The following GLIS3 variants were observed in gnomAD, a reference collection of about 807,000 sequenced individuals.
The protein encoded by GLIS3 is zinc finger protein GLIS3.
In GLIS3, 53 loss-of-function variants were observed where a neutral mutation model predicts 78.6. That is an observed-to-expected ratio of 0.67 (90% CI 0.54 to 0.85). The LOEUF (loss-of-function observed/expected upper bound fraction) is 0.85. Among genes scored for constraint, GLIS3 ranks in the 40% least tolerant of loss-of-function variants. GLIS3 has a pLI of 0.00. For missense variants in GLIS3, 1,703 were observed against 1,231.1 expected, an observed-to-expected ratio of 1.38 and a Z score of -5.74; for synonymous variants, 684 against 509.9, an observed-to-expected ratio of 1.34 and a Z score of -4.60.
At chr9:4,024,415 C>A (rs12000583) in intron 4 of GLIS3, among the ~76,000 whole-genome samples, 5,503 of 152,222 alleles carry the variant, frequency 0.036, 104 homozygotes, top group African/African-American at 0.055. Context: ...TAGGAACACA[C>A]TTATTCTTGA....
intron 2 of GLIS3, among the ~76,000 whole-genome samples, chr9:4,257,586 T>G (rs796457709): frequency 6.7e-5 from 10 of 150,356 alleles, no homozygotes; most frequent in Non-Finnish European, 1.2e-4. Context: ...GTTGTTGTTA[T>G]TTTTTGAGAC....
intron 4 of GLIS3, 105 bp from the exon 5 acceptor site, chr9:3,937,294 G>A: frequency 1.8e-6 from 2 of 1,117,456 alleles, no homozygotes; most frequent in South Asian, 1.3e-5. Context: ...TGCCGAAAAT[G>A]ATAAAATAAA....
At chr9:4,006,795 T>C (rs958868087) in intron 4 of GLIS3, among the ~76,000 whole-genome samples, 6 of 152,220 alleles carry the variant, frequency 3.9e-5, no homozygotes, top group African/African-American at 1.4e-4. Context: ...TAAGAGTTTA[T>C]TATTAGATTT....
chr9:4,168,918 T>G (rs1191505668), intron 2 of GLIS3, among the ~76,000 whole-genome samples: 8 of 152,220 alleles, frequency 5.3e-5, no homozygotes, highest in African/African-American at 1.9e-4. Context: ...ACGAGAAAAT[T>G]TCATTATGCA....
At chr9:3,829,562 C>G in intron 9 of GLIS3, 70 bp from the exon 10 acceptor site, 1 of 1,532,754 alleles carries the variant, frequency 6.5e-7, no homozygotes, top group Non-Finnish European at 9.0e-7. Flanking sequence ...TCCAACCCAG[C>G]TAGAACCTCA....
intron 2 of GLIS3, among the ~76,000 whole-genome samples, chr9:4,223,707 T>C (rs1156780638): frequency 6.6e-6 from 1 of 152,194 alleles, no homozygotes; most frequent in East Asian, 1.9e-4. Flanking sequence ...CTGGCCAATA[T>C]TTTTAAATTC....
the GLIS3 span, among the ~76,000 whole-genome samples, chr9:4,362,334 C>T: frequency 6.6e-6 from 1 of 152,076 alleles, no homozygotes; most frequent in East Asian, 1.9e-4. Context: ...ATTCTTTTTG[C>T]TGACTGGCTT....
At chr9:4,002,277 C>T (rs1821172928) in intron 4 of GLIS3, among the ~76,000 whole-genome samples, 1 of 152,158 alleles carries the variant, frequency 6.6e-6, no homozygotes, top group African/African-American at 2.4e-5. Flanking sequence ...ATTCTTCCTT[C>T]AGAGCCTCCA....
At chr9:3,876,348 C>T (rs906099266) in intron 8 of GLIS3, among the ~76,000 whole-genome samples, 13 of 151,618 alleles carry the variant, frequency 8.6e-5, no homozygotes, top group Admixed American at 2.0e-4. Context: ...CTGTGAGATC[C>T]CTATTAGATC....
intron 2 of GLIS3, among the ~76,000 whole-genome samples, chr9:4,168,865 G>A (rs766755307): frequency 1.3e-5 from 2 of 152,118 alleles, no homozygotes; most frequent in African/African-American, 2.4e-5. Context: ...CCTAATTGTC[G>A]AAACATCAAT....
At chr9:4,203,916 T>C (rs1212369386) in intron 2 of GLIS3, among the ~76,000 whole-genome samples, 1 of 152,198 alleles carries the variant, frequency 6.6e-6, no homozygotes, top group Non-Finnish European at 1.5e-5. Flanking sequence ...TGGGTACTCA[T>C]GGACATTAAG....
At chr9:4,122,085 C>T (rs1832236350) in intron 3 of GLIS3, among the ~76,000 whole-genome samples, 1 of 152,114 alleles carries the variant, frequency 6.6e-6, no homozygotes, top group Admixed American at 6.6e-5. Flanking sequence ...CAAAATAAAA[C>T]TAATAGGAAA....
At chr9:4,303,077 G>T (rs1266070798), upstream of GLIS3, among the ~76,000 whole-genome samples, 1 of 152,168 alleles carries the variant, frequency 6.6e-6, no homozygotes, top group Non-Finnish European at 1.5e-5. Context: ...CATCCTGACA[G>T]CAAAACTTCA....
the GLIS3 span, among the ~76,000 whole-genome samples, chr9:4,416,363 C>T: frequency 1.3e-5 from 2 of 149,628 alleles, no homozygotes; most frequent in Non-Finnish European, 3.0e-5. Context: ...ATTTTAAAAC[C>T]TCTCTTACTG....
chr9:3,981,072 AG>A (rs981726518), intron 4 of GLIS3, among the ~76,000 whole-genome samples: 1 of 152,166 alleles, frequency 6.6e-6, no homozygotes, highest in African/African-American at 2.4e-5. Flanking sequence ...AACTGAGAGG[AG>A]GGGGTCAGCA....
chr9:4,312,327 G>A (rs1306074749), intron 2 of GLIS3, among the ~76,000 whole-genome samples: 1 of 152,178 alleles, frequency 6.6e-6, no homozygotes, highest in Non-Finnish European at 1.5e-5. Context: ...GAAGAGCCAG[G>A]CATGGTGGTG....
At chr9:4,080,867 C>T (rs1828499934) in intron 4 of GLIS3, among the ~76,000 whole-genome samples, 2 of 152,252 alleles carry the variant, frequency 1.3e-5, no homozygotes, top group South Asian at 4.2e-4. Flanking sequence ...ATCATCTTGA[C>T]CCCCGGGCGT....
At chr9:4,335,242 C>G (rs1464149057) in intron 2 of GLIS3, among the ~76,000 whole-genome samples, 1 of 152,116 alleles carries the variant, frequency 6.6e-6, no homozygotes, top group Non-Finnish European at 1.5e-5. Flanking sequence ...CATCTTAGTG[C>G]CATAATTGAA....
intron 4 of GLIS3, among the ~76,000 whole-genome samples, chr9:4,096,786 T>C (rs1460152327): frequency 6.6e-6 from 1 of 152,002 alleles, no homozygotes; most frequent in Non-Finnish European, 1.5e-5. Flanking sequence ...CCAAGGCAGG[T>C]GGATTGCTTG....
Sources: allele counts gnomAD v4.1 joint callset (sites outside exome capture counted in the v4.1 genomes callset), GRCh38; gene constraint gnomAD v4.1.1; transcripts MANE v1.5; gene names NCBI Gene and HGNC (gene_info 2026-07-23, HGNC 2026-07-21).